SHANK1: variants seen among roughly 807,000 people sequenced by gnomAD.
SHANK1 encodes SH3 and multiple ankyrin repeat domains protein 1.
Under a neutral mutation model 165.6 loss-of-function variants are expected in SHANK1, and 35 were observed. The observed-to-expected ratio is 0.21, with a 90% CI of 0.16 to 0.28. The LOEUF (loss-of-function observed/expected upper bound fraction) is 0.28, where lower values mean the gene tolerates loss of function less well. SHANK1 is among the 10% of genes least tolerant of loss of function. The pLI is 1.00. For synonymous variants in SHANK1, 1,428 were observed against 1,384.8 expected, an observed-to-expected ratio of 1.03 and a Z score of -0.69; for missense variants, 2,681 against 3,036.4, an observed-to-expected ratio of 0.88 and a Z score of 2.75.
chr19:50,665,751 A>AAAAAAAAAAAAAAAAAAAAAAAAAAAC, intron 23 of SHANK1, among the ~76,000 whole-genome samples: 1 of 147,284 alleles, frequency 6.8e-6, no homozygotes. Context: ...AAAAAAAAAA[A>AAAAAAAAAAAAAAAAAAAAAAAAAAAC]AGCCAGGCAT....
chr19:50,687,483 A>G (rs1348436975), intron 19 of SHANK1, 99 bp downstream of exon 19: 13 of 895,910 alleles, frequency 1.5e-5, no homozygotes, highest in Non-Finnish European at 1.8e-5. Context: ...GAGGACAAGG[A>G]CCCCTGGTCA....
Position 50,697,477 on chromosome 19 carries a change from G to C in SHANK1, c.1937+112C>G, listed in dbSNP as rs568181533. The stretch of plus-strand genomic sequence containing the variant: ...CTTATCCCACCCCTGGATCAAACTT[G>C]AGAAGGAACAGATTAGAAAGGGGGC... On this transcript the variant is annotated intron_variant, in intron 14 of 23. Coordinates refer to ENST00000293441, the MANE Select transcript of SHANK1 (RefSeq NM_016148.5). The surrounding 1 kb of genome is among the most constrained non-coding windows in gnomAD (Gnocchi z 4.7). 2.1e-5 allele frequency: 20 copies of C among 949,176 alleles called. No individual in the cohort carries two copies. The highest frequency in any genetic ancestry group is 3.3e-5 in the Non-Finnish European group (19 of 582,790). The allele number at this position is 949,176 out of a possible 1,614,324, so 58.8% of individuals were successfully genotyped here.
At chr19:50,693,312 G>A (rs113502537) in intron 15 of SHANK1, among the ~76,000 whole-genome samples, 3,510 of 140,164 alleles carry the variant, frequency 0.025, 64 homozygotes, top group African/African-American at 0.039. Flanking sequence ...CCACTTCAGT[G>A]TCCCCACTCT....
Position 50,702,303 on chromosome 19 carries a change from C to T in SHANK1, c.1747+164G>A, listed in dbSNP as rs1986942687. On this transcript the variant is annotated intron_variant, in intron 12 of 23. Coordinates refer to ENST00000293441, the MANE Select transcript of SHANK1 (RefSeq NM_016148.5). The surrounding 1 kb of genome is among the most constrained non-coding windows in gnomAD (Gnocchi z 5.3). ...TCCTGACAGGGTCATCTGAGCTACA[C>T]TCTATGGTCCTCCAAGCCTCAAGGG... is the stretch of plus-strand genomic sequence containing the variant. Among the ~76,000 whole-genome samples the T allele has an allele frequency of 6.6e-6, 1 of 152,166 alleles. No individual in the cohort carries two copies. The highest frequency in any genetic ancestry group is 6.5e-5 in the Admixed American group (1 of 15,286).
At chr19:50,693,278 G>T (rs1181721826) in intron 15 of SHANK1, among the ~76,000 whole-genome samples, 3 of 99,970 alleles carry the variant, frequency 3.0e-5, no homozygotes, top group Non-Finnish European at 5.7e-5. Context: ...CCGAACCCTC[G>T]GTGCTCCAGC....
chr19:50,701,545 C>T (rs781741232), intron 12 of SHANK1, among the ~76,000 whole-genome samples: 4 of 152,010 alleles, frequency 2.6e-5, no homozygotes, highest in Non-Finnish European at 4.4e-5. Flanking sequence ...GGTCTAAGTA[C>T]TTTACATGAT....
At chr19:50,689,301 TGGGGGGGTGGTG>T in intron 15 of SHANK1, 22 bp from the exon 16 acceptor site, 14 of 756,062 alleles carry the variant, frequency 1.9e-5, no homozygotes, top group Non-Finnish European at 2.6e-5. Flanking sequence ...GCAGGAGAAA[TGGGGGGGTGGTG>T]GGGGGAGTGG....
Position 50,662,308 on chromosome 19 carries a change from T to G in SHANK1, c.6143A>C (p.Asp2048Ala). ...CGGCACAAAGACTGGGGCGAAGGGG[T>G]CAGCCGAGCCTCCTGCCCCTCCAGT... is the stretch of plus-strand genomic sequence containing the variant. ...SPTGGAGGSA[D>A]PFAPVFVPPH... Residue 2048 changes from aspartate to alanine, a missense_variant, in exon 24 of 24, where the codon GAC (aspartate) becomes GCC (alanine). By Grantham distance (126) the Asp-to-Ala change is moderately radical. Transcript: ENST00000293441. This position sits in a 1 kb window ranked among gnomAD's most constrained non-coding sequence, Gnocchi z 7.7. 1.2e-6 allele frequency: 2 copies of G among 1,608,514 alleles called. No homozygotes were observed. The highest frequency in any genetic ancestry group is 1.1e-5 in the South Asian group (1 of 90,744).
chr19:50,689,323 G>C (rs754231094), intron 15 of SHANK1, 44 bp from the exon 16 acceptor site: 5 of 1,391,380 alleles, frequency 3.6e-6, no homozygotes, highest in African/African-American at 1.4e-5. Context: ...GGGGGGAGTG[G>C]AGAAGACATC....
rs1396334340 is a variant in SHANK1, at chr19:50,660,028, G to A, written c.*1937C>T. Reference sequence around the variant, plus strand: ...CTTGCAGCCCCCTCCCCTCATGGACGGAGCGCCCCCCCCTCTCGGGGGTAG... The same window carrying A: ...CTTGCAGCCCCCTCCCCTCATGGACAGAGCGCCCCCCCCTCTCGGGGGTAG... On this transcript the variant is annotated 3_prime_UTR_variant, in exon 24 of 24. Transcript: ENST00000293441. 6.6e-6 allele frequency among the ~76,000 whole-genome samples: 1 copy of A among 150,536 alleles called. No individual in the cohort carries two copies. Among genetic ancestry groups the A allele is most frequent in the Non-Finnish European group, 1.5e-5 (1 of 67,454 alleles).
intron 8 of SHANK1, among the ~76,000 whole-genome samples, chr19:50,709,641 C>T (rs1393735074): frequency 6.6e-6 from 1 of 152,086 alleles, no homozygotes; most frequent in African/African-American, 2.4e-5. Context: ...CCTCCACCTC[C>T]CAGGCTCAAG....
chr19:50,666,043 AGAAAAT>A, intron 23 of SHANK1, 143 bp downstream of exon 23: 1 of 539,658 alleles, frequency 1.9e-6, no homozygotes, highest in Non-Finnish European at 2.9e-6. Flanking sequence ...AAAAAGAAAA[AGAAAAT>A]ATTTGTGAAA....
At chr19:50,665,823 T>C (rs527448941) in intron 23 of SHANK1, among the ~76,000 whole-genome samples, 8 of 149,284 alleles carry the variant, frequency 5.4e-5, no homozygotes, top group African/African-American at 2.0e-4. Context: ...CACCTGAGGT[T>C]GGGAGTTCGA....
chr19:50,687,789 T>C (rs1986404855), intron 18 of SHANK1, 127 bp from the exon 19 acceptor site: 1 of 1,383,200 alleles, frequency 7.2e-7, no homozygotes, highest in African/African-American at 1.4e-5. Context: ...CCTGCCTCAG[T>C]TTCTCCCCAC....
intron 4 of SHANK1, 26 bp from the exon 5 acceptor site, chr19:50,714,316 G>A (rs760578827): frequency 2.5e-6 from 4 of 1,602,796 alleles, no homozygotes; most frequent in Admixed American, 3.3e-5. Context: ...AGAGAGAGAA[G>A]ACAGGACAGT....
At chr19:50,714,441 C>T in intron 4 of SHANK1, 151 bp from the exon 5 acceptor site, 1 of 695,212 alleles carries the variant, frequency 1.4e-6, no homozygotes, top group Non-Finnish European at 2.4e-6. Context: ...AGAAAATACC[C>T]AGCCCTTTGG....
chr19:50,672,866 A>T lies in SHANK1; in HGVS notation c.2578-752T>A, dbSNP rs138442804. Among the ~76,000 whole-genome samples, 210 of 152,122 alleles carry T rather than the reference A, an allele frequency of 1.4e-3. 4 individuals carry two copies. The highest frequency in any genetic ancestry group is 9.2e-3 in the Admixed American group (141 of 15,284). On this transcript the variant is annotated intron_variant, in intron 21 of 23. Coordinates refer to ENST00000293441, the MANE Select transcript of SHANK1 (RefSeq NM_016148.5). ...TGCTATTGCCCCTGCTTGAAATCCC[A>T]TGTCAGTTAGGAGGAGATCAGAGGG...
Position 50,674,862 on chromosome 19 carries a change from A to G in SHANK1, c.2578-2748T>C, listed in dbSNP as rs532512010. Among the ~76,000 whole-genome samples the G allele has an allele frequency of 9.1e-4, 138 of 151,964 alleles. 2 individuals carry two copies. The highest frequency in any genetic ancestry group is 9.8e-4 in the Admixed American group (15 of 15,242). On this transcript the variant is annotated intron_variant, in intron 21 of 23. Transcript: ENST00000293441. ...AGATCACCTGAGGTCAGGAGTTCGA[A>G]ACCAGCCTGGCCAACATGGTGAAAT... is the stretch of plus-strand genomic sequence containing the variant.
intron 19 of SHANK1, chr19:50,687,033 G>A (rs1336501338): frequency 5.4e-6 from 8 of 1,485,858 alleles, no homozygotes; most frequent in Non-Finnish European, 6.2e-6. Flanking sequence ...TCTTCTTCCA[G>A]GGGGAGACTA....
Sources: gnomAD v4.1 joint callset for allele counts (sites outside exome capture counted in the v4.1 genomes callset) on GRCh38, gnomAD v4.1.1 for gene constraint, Gnocchi (gnomAD v3.1) non-coding constraint, MANE v1.5 for transcripts, NCBI Gene and HGNC (gene_info 2026-07-23, HGNC 2026-07-21) for gene names.